Variants in MCF2 observed in about 807,000 individuals in gnomAD.
MCF2 encodes MCF.2 cell line derived transforming sequence, also known as proto-oncogene DBL.
A neutral mutation model predicts 82.5 loss-of-function variants in MCF2; 44 were observed. That is an observed-to-expected ratio of 0.53 (90% CI 0.42 to 0.69). MCF2 has a LOEUF of 0.69. Among genes scored for constraint, MCF2 ranks in the 30% least tolerant of loss-of-function variants. The pLI, the probability that MCF2 is intolerant of heterozygous loss-of-function variation, is 0.00. For missense variants in MCF2, 623 were observed against 663.1 expected (o/e 0.94, Z 0.66); for synonymous variants, 217 against 224.9 (o/e 0.96, Z 0.32).
chrX:139,703,249 G>C (rs1935532109), intron 1 of MCF2, among the ~76,000 whole-genome samples: 1 of 111,939 alleles, frequency 8.9e-6, no homozygotes, highest in African/African-American at 3.2e-5. Flanking sequence ...AGAAGAGAGA[G>C]GAGTGAGTGT....
At chrX:139,591,477 G>T (rs1929512057) in intron 19 of MCF2, among the ~76,000 whole-genome samples, 1 of 111,076 alleles carries the variant, frequency 9.0e-6, no homozygotes, top group South Asian at 3.8e-4. Flanking sequence ...TGTGCAATTT[G>T]TAAAATTTTT....
intron 1 of MCF2, among the ~76,000 whole-genome samples, chrX:139,680,526 T>A (rs751840446): frequency 8.9e-6 from 1 of 112,192 alleles, no homozygotes; most frequent in South Asian, 3.7e-4. Flanking sequence ...TAGGGGCATG[T>A]TTGAACATGA....
chrX:139,692,452 GCAACT>G (rs1935295998), intron 1 of MCF2, among the ~76,000 whole-genome samples: 1 of 111,711 alleles, frequency 9.0e-6, no homozygotes, highest in African/African-American at 3.2e-5. Context: ...CGCTGCGAGG[GCAACT>G]CTCCCTGGGT....
chrX:139,613,747 T>C (rs1345024183), intron 10 of MCF2, among the ~76,000 whole-genome samples: 2 of 111,430 alleles, frequency 1.8e-5, no homozygotes, highest in Non-Finnish European at 3.8e-5. Context: ...TTACTGTTTT[T>C]TATTTTGTTA....
chrX:139,652,542 T>C (rs1934062723), intron 1 of MCF2, among the ~76,000 whole-genome samples: 1 of 112,136 alleles, frequency 8.9e-6, no homozygotes, highest in Non-Finnish European at 1.9e-5. Context: ...TGTGCTTTGA[T>C]TGTCCCAGAT....
chrX:139,686,450 A>T (rs1744033331), intron 1 of MCF2, among the ~76,000 whole-genome samples: 1 of 110,290 alleles, frequency 9.1e-6, no homozygotes, highest in Admixed American at 9.7e-5. Flanking sequence ...TGAGCGTGGG[A>T]GGCGGAGGTT....
intron 2 of MCF2, among the ~76,000 whole-genome samples, chrX:139,651,154 A>G (rs1268439502): frequency 2.0e-5 from 2 of 99,052 alleles, no homozygotes; most frequent in Non-Finnish European, 3.8e-5. Flanking sequence ...ATGCCGCTGA[A>G]CTGTACTCTT....
At chrX:139,693,140 A>G (rs763745061) in intron 1 of MCF2, among the ~76,000 whole-genome samples, 2 of 111,362 alleles carry the variant, frequency 1.8e-5, no homozygotes, top group African/African-American at 6.5e-5. Flanking sequence ...CTGGAAGGAA[A>G]AGGGTATGCA....
chrX:139,698,689 T>C (rs1047135152), intron 1 of MCF2, among the ~76,000 whole-genome samples: 16 of 111,819 alleles, frequency 1.4e-4, no homozygotes, highest in African/African-American at 5.2e-4. Flanking sequence ...TATGACCTGG[T>C]TATTTCTCAA....
At chrX:139,619,540 G>C in intron 7 of MCF2, 47 bp downstream of exon 10, 2 of 945,029 alleles carry the variant, frequency 2.1e-6, no homozygotes, top group Non-Finnish European at 2.8e-6. Flanking sequence ...GCCAAAACAT[G>C]ACTATTATAC....
At chrX:139,607,604 A>G in intron 12 of MCF2, 87 bp downstream of exon 16, 1 of 637,405 alleles carries the variant, frequency 1.6e-6, no homozygotes, top group Non-Finnish European at 2.3e-6. Context: ...TGTGAACTCA[A>G]ATTTCTAATC....
intron 1 of MCF2, among the ~76,000 whole-genome samples, chrX:139,677,361 A>G (rs1332945515): frequency 9.0e-6 from 1 of 111,411 alleles, no homozygotes; most frequent in Non-Finnish European, 1.9e-5. Context: ...CCCTCTTCCA[A>G]GTGTACTTTA....
rs780739113 is a variant in MCF2, at chrX:139,606,236, T to A, written c.1491-457A>T. Among the ~76,000 whole-genome samples, 432 of 109,732 alleles carry A rather than the reference T, an allele frequency of 3.9e-3. 3 individuals are homozygous for A. The highest frequency in any genetic ancestry group is 8.1e-3 in the South Asian group (21 of 2,583). On this transcript the variant is annotated intron_variant, in intron 12 of 24. Coordinates refer to ENST00000370576, the Ensembl canonical transcript of MCF2. The stretch of plus-strand genomic sequence containing the variant: ...ACCCTTTTTTTCCCTAAAAAATAAG[T>A]ATTAGCATTTTAGGCACTATTTTTC...
At chrX:139,682,170 C>T (rs1269784650) in intron 1 of MCF2, among the ~76,000 whole-genome samples, 2 of 111,357 alleles carry the variant, frequency 1.8e-5, no homozygotes, top group Admixed American at 9.6e-5. Context: ...TGAGAAACAG[C>T]TGGTGGGAAG....
rs149495441 is a variant in MCF2, at chrX:139,697,997, G to C, written c.-45+10109C>G. ...TCTATAAAAAATACAAAAATTAGCCGGGTGTAGTGGTGCATCCCTGTAGTC... is the reference window on the plus strand; with the variant it reads ...TCTATAAAAAATACAAAAATTAGCCCGGTGTAGTGGTGCATCCCTGTAGTC... On this transcript the variant is annotated intron_variant, in intron 1 of 27. Transcript: ENST00000414978. Among the ~76,000 whole-genome samples, 354 of 110,099 alleles carry C rather than the reference G, an allele frequency of 3.2e-3. 2 individuals carry two copies. Among genetic ancestry groups the C allele is most frequent in the African/African-American group, 0.011 (344 of 30,258 alleles).
chrX:139,590,476 A>AAT lies in MCF2; in HGVS notation c.2278-550_2278-549insAT, dbSNP rs1556016440. Among the ~76,000 whole-genome samples the AAT allele has an allele frequency of 8.2e-3, 901 of 110,220 alleles. 13 individuals are homozygous for AAT. The highest frequency in any genetic ancestry group is 0.027 in the African/African-American group (816 of 30,351). On this transcript the variant is annotated intron_variant, in intron 19 of 24. Coordinates refer to ENST00000370576, the Ensembl canonical transcript of MCF2. ...CAATCCCTTGGCCTTTCTAAAAAAA[A>AAT]AATAATAATAATAATATGTAATGGG...
chrX:139,692,042 G>T (rs1369693117), intron 1 of MCF2: 1 of 1,166,202 alleles, frequency 8.6e-7, no homozygotes, highest in Admixed American at 2.6e-5. Context: ...GCATGAAAGT[G>T]CAGCCATCTG....
At position 139,684,663 on chromosome X, in the gene MCF2, G is replaced by A. The variant is rs1935079402; in HGVS notation, c.-45+23443C>T. 3.6e-5 allele frequency among the ~76,000 whole-genome samples: 4 copies of A among 112,181 alleles called. No homozygotes were observed. The South Asian group carries it at 1.1e-3, about 31-fold the overall frequency. ...GCAGCCATTTTAAGAATGACACAAC[G>A]ACAACATGAATGGACATTGAAAACA... On this transcript the variant is annotated intron_variant, in intron 1 of 27. Coordinates refer to the MCF2 transcript ENST00000414978.
chrX:139,696,831 T>C (rs922930514), intron 1 of MCF2, among the ~76,000 whole-genome samples: 17 of 112,195 alleles, frequency 1.5e-4, no homozygotes, highest in African/African-American at 5.5e-4. Context: ...AGGAAGTCTA[T>C]TGACATGTGA....
Sources: allele counts gnomAD v4.1 joint callset (sites outside exome capture counted in the v4.1 genomes callset), GRCh38; gene constraint gnomAD v4.1.1; transcripts MANE v1.5; gene names NCBI Gene and HGNC (gene_info 2026-07-23, HGNC 2026-07-21).